The following ROBO2 variants were observed in gnomAD, a reference collection of about 807,000 sequenced individuals.
The protein encoded by ROBO2 is roundabout homolog 2.
A neutral mutation model predicts 160.8 loss-of-function variants in ROBO2; 53 were observed. The ratio of observed to expected loss-of-function variants is 0.33; its 90% CI spans 0.26 to 0.41. The LOEUF (loss-of-function observed/expected upper bound fraction) is 0.41. ROBO2 is among the 10% of genes least tolerant of loss of function. The probability of loss-of-function intolerance (pLI) is 1.00; values close to 1 mark genes in which losing one functional copy is unlikely to be tolerated. For synonymous variants in ROBO2, 664 were observed against 611.7 expected, an observed-to-expected ratio of 1.09 and a Z score of -1.26; for missense variants, 1,577 against 1,722.4, an observed-to-expected ratio of 0.92 and a Z score of 1.49.
chr3:76,741,584 A>T (rs1350546164), intron 2 of ROBO2, among the ~76,000 whole-genome samples: 6 of 152,160 alleles, frequency 3.9e-5, no homozygotes, highest in Admixed American at 6.5e-5. Context: ...ATAAAAACAG[A>T]CTTTCATTTA....
At chr3:77,295,716 T>G (rs1210508281) in intron 2 of ROBO2, among the ~76,000 whole-genome samples, 2 of 147,300 alleles carry the variant, frequency 1.4e-5, no homozygotes, top group Non-Finnish European at 3.0e-5. Flanking sequence ...ACTAAAGACA[T>G]AAAGTGAAAT....
At chr3:76,070,113 A>G (rs1444937088) in intron 2 of ROBO2, among the ~76,000 whole-genome samples, 1 of 152,218 alleles carries the variant, frequency 6.6e-6, no homozygotes, top group East Asian at 1.9e-4. Flanking sequence ...TGTTTAAGCA[A>G]TATGAAATCT....
At chr3:77,345,075 T>A (rs772263962) in intron 2 of ROBO2, among the ~76,000 whole-genome samples, 3 of 151,598 alleles carry the variant, frequency 2.0e-5, no homozygotes, top group Non-Finnish European at 4.4e-5. Flanking sequence ...GGAAACACCC[T>A]TAAAAAAAAC....
intron 2 of ROBO2, among the ~76,000 whole-genome samples, chr3:76,868,173 T>C (rs141462226): frequency 6.6e-6 from 1 of 152,332 alleles, no homozygotes; most frequent in Admixed American, 6.5e-5. Flanking sequence ...TTTGTTTTTT[T>C]TACCCAACCT....
At chr3:76,726,013 T>C (rs1189986286) in intron 2 of ROBO2, among the ~76,000 whole-genome samples, 1 of 152,148 alleles carries the variant, frequency 6.6e-6, no homozygotes, top group African/African-American at 2.4e-5. Flanking sequence ...CAAGATTGGG[T>C]CCCTTCAAAT....
chr3:75,953,253 T>C (rs1255741647), intron 2 of ROBO2, among the ~76,000 whole-genome samples: 1 of 152,076 alleles, frequency 6.6e-6, no homozygotes, highest in East Asian at 1.9e-4. Flanking sequence ...TTTCTCCTCA[T>C]ACTTGCCAAC....
intron 1 of ROBO2, among the ~76,000 whole-genome samples, chr3:77,060,476 AT>A (rs1351693029): frequency 6.6e-6 from 1 of 152,198 alleles, no homozygotes; most frequent in East Asian, 1.9e-4. Context: ...TTGTATTTGG[AT>A]TGCTCATGAA....
chr3:76,431,503 A>G (rs2076436205), intron 2 of ROBO2, among the ~76,000 whole-genome samples: 1 of 152,168 alleles, frequency 6.6e-6, no homozygotes, highest in South Asian at 2.1e-4. Flanking sequence ...TGAGGCCTTC[A>G]TATTTATGAC....
Position 77,058,776 on chromosome 3 carries a change from G to A in ROBO2, c.61+17930G>A, listed in dbSNP as rs185611578. ...TGGTCTCCAACTCCTGGGCTCAAGC[G>A]ATCCACCCACGTCGACCTCCCAAAG... On this transcript the variant is annotated intron_variant, in intron 1 of 25. Coordinates refer to ENST00000461745, the Ensembl canonical transcript of ROBO2. Among the ~76,000 whole-genome samples, 4 of 151,864 alleles carry A rather than the reference G, an allele frequency of 2.6e-5. No homozygotes were observed. The East Asian group carries it at 5.8e-4, about 22-fold the overall frequency.
At chr3:77,173,925 C>G (rs1157980215) in intron 2 of ROBO2, among the ~76,000 whole-genome samples, 3 of 152,056 alleles carry the variant, frequency 2.0e-5, no homozygotes, top group African/African-American at 7.2e-5. Context: ...TCTGGCATAT[C>G]CTATCTTCTC....
chr3:77,140,751 TG>T (rs1202559571), intron 2 of ROBO2, among the ~76,000 whole-genome samples: 1 of 152,238 alleles, frequency 6.6e-6, no homozygotes, highest in Non-Finnish European at 1.5e-5. Context: ...TATCTACTGA[TG>T]GCGTCCCTTT....
At chr3:77,435,180 T>A (rs2079155997) in intron 2 of ROBO2, among the ~76,000 whole-genome samples, 1 of 151,974 alleles carries the variant, frequency 6.6e-6, no homozygotes, top group Admixed American at 6.6e-5. Flanking sequence ...TTGATATAGA[T>A]AACATAAGGC....
At chr3:76,817,636 C>T (rs938044969) in intron 2 of ROBO2, among the ~76,000 whole-genome samples, 1 of 151,618 alleles carries the variant, frequency 6.6e-6, no homozygotes, top group African/African-American at 2.4e-5. Flanking sequence ...GTCTCCTGTC[C>T]CTCAACCCCC....
At chr3:77,575,047 G>A (rs774784818) in intron 14 of ROBO2, among the ~76,000 whole-genome samples, 19 of 152,172 alleles carry the variant, frequency 1.2e-4, no homozygotes, top group South Asian at 2.1e-4. Flanking sequence ...CAGACGACTG[G>A]AAATTTGAGA....
intron 2 of ROBO2, among the ~76,000 whole-genome samples, chr3:77,197,727 A>G (rs2082433459): frequency 6.6e-6 from 1 of 152,206 alleles, no homozygotes; most frequent in African/African-American, 2.4e-5. Flanking sequence ...GAAACCGTGA[A>G]CTGTTATTTT....
chr3:77,228,502 T>C (rs1349558045), intron 2 of ROBO2, among the ~76,000 whole-genome samples: 2 of 152,060 alleles, frequency 1.3e-5, no homozygotes, highest in Admixed American at 1.3e-4. Context: ...TTTTTTCTTG[T>C]AAATTTGTTT....
In ROBO2 at chr3:76,546,432, G is replaced by C. The variant is rs140740009; in HGVS notation, c.110-551582G>C. Among the ~76,000 whole-genome samples the C allele has an allele frequency of 5.3e-5, 8 of 151,850 alleles. No individual in the cohort carries two copies. The South Asian group carries it at 1.5e-3, about 28-fold the overall frequency. Reference sequence around the variant, plus strand: ...AACCTGTGTATATATTAGTTTGCACGGCAAAGAGAAATTAAGATTATAAAT... The same window carrying C: ...AACCTGTGTATATATTAGTTTGCACCGCAAAGAGAAATTAAGATTATAAAT... On this transcript the variant is annotated intron_variant, in intron 2 of 26. Coordinates refer to the ROBO2 transcript ENST00000487694.
chr3:77,106,783 C>T (rs994318541), intron 2 of ROBO2, among the ~76,000 whole-genome samples: 4 of 152,100 alleles, frequency 2.6e-5, no homozygotes, highest in Non-Finnish European at 5.9e-5. Context: ...AATTCTGAAC[C>T]ACCCATTTCT....
chr3:77,217,204 G>A (rs1325593408), intron 2 of ROBO2, among the ~76,000 whole-genome samples: 1 of 151,034 alleles, frequency 6.6e-6, no homozygotes, highest in Non-Finnish European at 1.5e-5. Context: ...GTGCAGTGGT[G>A]CGATCTCAGC....
Sources: allele counts gnomAD v4.1 joint callset (sites outside exome capture counted in the v4.1 genomes callset), GRCh38; gene constraint gnomAD v4.1.1; transcripts MANE v1.5; gene names NCBI Gene and HGNC (gene_info 2026-07-23, HGNC 2026-07-21).